KIRREL3: variants seen among roughly 807,000 people sequenced by gnomAD.
KIRREL3 encodes the protein kirre like nephrin family adhesion molecule 3, also known as kin of IRRE-like protein 3.
KIRREL3 carries 36 observed loss-of-function variants against 89.7 expected under a neutral mutation model. The observed-to-expected ratio is 0.40, with a 90% CI of 0.31 to 0.53. The LOEUF is 0.53. KIRREL3 is among the 20% of genes least tolerant of loss of function. KIRREL3 has a pLI of 0.49. For missense variants in KIRREL3, 864 were observed against 1,056.6 expected (o/e 0.82, Z 2.53); for synonymous variants, 445 against 441.4 (o/e 1.01, Z -0.10).
chr11:126,587,117 T>C lies in KIRREL3; in HGVS notation c.56-24205A>G, dbSNP rs1369170677. Among the ~76,000 whole-genome samples, 1 of 151,362 alleles carries C rather than the reference T, an allele frequency of 6.6e-6. No individual in the cohort carries two copies. The highest frequency in any genetic ancestry group is 1.5e-5 in the Non-Finnish European group (1 of 67,878). On this transcript the variant is annotated intron_variant, in intron 1 of 16. Coordinates refer to ENST00000525144, the MANE Select transcript of KIRREL3 (RefSeq NM_032531.4). The surrounding 1 kb of genome is among the most constrained non-coding windows in gnomAD (Gnocchi z 5.2). Reference sequence around the variant, plus strand: ...TGTGATGGATGCTCCAGTGGAAGAGTCCAGAGCACCGGGATGATGTGTAGG... The same window carrying C: ...TGTGATGGATGCTCCAGTGGAAGAGCCCAGAGCACCGGGATGATGTGTAGG...
At chr11:126,450,491 GTGTGTGCA>G (rs140084990) in intron 7 of KIRREL3, among the ~76,000 whole-genome samples, 25,084 of 145,798 alleles carry the variant, frequency 0.17, 2,399 homozygotes, top group Non-Finnish European at 0.22. Context: ...GTGGGTGTGA[GTGTGTGCA>G]TGTGTGCATG....
At chr11:126,534,457 T>C (rs2134467629) in intron 2 of KIRREL3, among the ~76,000 whole-genome samples, 1 of 152,312 alleles carries the variant, frequency 6.6e-6, no homozygotes, top group South Asian at 2.1e-4. Context: ...CAGAAGCACC[T>C]TCCTGCTCGC....
chr11:126,846,232 C>T (rs188427658), intron 1 of KIRREL3, among the ~76,000 whole-genome samples: 115 of 152,216 alleles, frequency 7.6e-4, no homozygotes, highest in Admixed American at 2.2e-3. Flanking sequence ...GTATTGCCTT[C>T]CAGTTGTGCC....
rs527363720 is a variant in KIRREL3 at position 126,531,397 on chromosome 11, C to A, written c.134-4710G>T. 6.6e-6 allele frequency among the ~76,000 whole-genome samples: 1 copy of A among 152,226 alleles called. No homozygotes were observed. The highest frequency in any genetic ancestry group is 2.4e-5 in the African/African-American group (1 of 41,444). ...ACCTCTCATGGCTCTCCACTCTCTGCGGGACAACGCCCAACTTCCCATGCT... is the reference window on the plus strand; with the variant it reads ...ACCTCTCATGGCTCTCCACTCTCTGAGGGACAACGCCCAACTTCCCATGCT... On this transcript the variant is annotated intron_variant, in intron 2 of 16. Coordinates refer to ENST00000525144, the MANE Select transcript of KIRREL3 (RefSeq NM_032531.4). The surrounding 1 kb of genome is among the most constrained non-coding windows in gnomAD (Gnocchi z 4.7).
chr11:126,690,029 A>G (rs1382612850), intron 1 of KIRREL3, among the ~76,000 whole-genome samples: 1 of 152,052 alleles, frequency 6.6e-6, no homozygotes, highest in Admixed American at 6.5e-5. Context: ...AGTATCTCCT[A>G]AGTCACTGGA....
intron 2 of KIRREL3, among the ~76,000 whole-genome samples, chr11:126,533,711 C>T (rs1206916113): frequency 1.3e-5 from 2 of 152,224 alleles, no homozygotes; most frequent in African/African-American, 4.8e-5. Flanking sequence ...ATGAATGGGG[C>T]TCAGGAATCA....
rs1441306370 is a variant in KIRREL3, at chr11:126,909,387, A to G, written c.55+91068T>C. 6.6e-6 allele frequency among the ~76,000 whole-genome samples: 1 copy of G among 152,186 alleles called. No individual in the cohort carries two copies. The highest frequency in any genetic ancestry group is 1.5e-5 in the Non-Finnish European group (1 of 68,020). On this transcript the variant is annotated intron_variant, in intron 1 of 16. Coordinates refer to ENST00000525144, the MANE Select transcript of KIRREL3 (RefSeq NM_032531.4). The surrounding 1 kb of genome is among the most constrained non-coding windows in gnomAD (Gnocchi z 4.5). ...AAGGACGCATTGCACTCATCCTTGC[A>G]TATCTGTAGCTCCACCTCAGGCACG...
chr11:126,432,882 C>T lies in KIRREL3; in HGVS notation c.1589-1356G>A, dbSNP rs1156827745. On this transcript the variant is annotated intron_variant, in intron 13 of 16. Coordinates refer to ENST00000525144, the MANE Select transcript of KIRREL3 (RefSeq NM_032531.4). The surrounding 1 kb of genome is among the most constrained non-coding windows in gnomAD (Gnocchi z 6.2). ...CCAGGAAGGGGTCACCAGCAGTTCA[C>T]GGTCTTTTATTTTTGGGATGGAGTC... 6.6e-6 allele frequency among the ~76,000 whole-genome samples: 1 copy of T among 152,072 alleles called. No homozygotes were observed. Among genetic ancestry groups the T allele is most frequent in the East Asian group, 1.9e-4 (1 of 5,182 alleles).
rs1449997516 is a variant in KIRREL3 at position 126,783,548 on chromosome 11, C to T, written c.55+216907G>A. 6.6e-6 allele frequency among the ~76,000 whole-genome samples: 1 copy of T among 152,118 alleles called. No individual in the cohort carries two copies. The highest frequency in any genetic ancestry group is 2.4e-5 in the African/African-American group (1 of 41,410). On this transcript the variant is annotated intron_variant, in intron 1 of 16. Coordinates refer to ENST00000525144, the MANE Select transcript of KIRREL3 (RefSeq NM_032531.4). The surrounding 1 kb of genome is among the most constrained non-coding windows in gnomAD (Gnocchi z 4.3). ...GGGTCTGTCAAAGGGACACAGAAGCCAACTGAAAGAGCTCCCATTGACCAA... is the reference window on the plus strand; with the variant it reads ...GGGTCTGTCAAAGGGACACAGAAGCTAACTGAAAGAGCTCCCATTGACCAA...
chr11:126,672,957 A>G (rs1946024206), intron 1 of KIRREL3, among the ~76,000 whole-genome samples: 1 of 152,188 alleles, frequency 6.6e-6, no homozygotes, highest in Admixed American at 6.5e-5. Flanking sequence ...CCCTTCATCA[A>G]ATTATAGAAA....
chr11:126,432,084 C>T lies in KIRREL3; in HGVS notation c.1589-558G>A, dbSNP rs1955154792. Among the ~76,000 whole-genome samples, 2 of 152,256 alleles carry T rather than the reference C, an allele frequency of 1.3e-5. No individual in the cohort carries two copies. The highest frequency in any genetic ancestry group is 1.9e-4 in the East Asian group (1 of 5,182). On this transcript the variant is annotated intron_variant, in intron 13 of 16. Coordinates refer to ENST00000525144, the MANE Select transcript of KIRREL3 (RefSeq NM_032531.4). This position sits in a 1 kb window ranked among gnomAD's most constrained non-coding sequence, Gnocchi z 6.2. ...CAGGTCTGCTGGGCATCAGTTGTGG[C>T]CCTCAGGTGTCCAAGTCTCAGGGTC...
At position 126,431,579 on chromosome 11, in the gene KIRREL3, C is replaced by T. The variant is rs1955131831; in HGVS notation, c.1589-53G>A. On this transcript the variant is annotated intron_variant, in intron 13 of 16. Transcript: ENST00000525144. The surrounding 1 kb of genome is among the most constrained non-coding windows in gnomAD (Gnocchi z 7.1). ...TGACGGATGGGGAATGGCCTACTAT[C>T]CCCCCATGATCTCACCCCGTTCCTG... The T allele has an allele frequency of 3.2e-6, 5 of 1,543,546 alleles. No homozygotes were observed. Among genetic ancestry groups the T allele is most frequent in the Non-Finnish European group, 4.4e-6 (5 of 1,125,198 alleles).
chr11:126,712,017 C>T (rs1485386982), intron 1 of KIRREL3, among the ~76,000 whole-genome samples: 1 of 152,236 alleles, frequency 6.6e-6, no homozygotes, highest in African/African-American at 2.4e-5. Flanking sequence ...TGTTTCTCAG[C>T]AAGGTGGTCC....
In KIRREL3 at chr11:126,623,449, G is replaced by A. The variant is rs1439695973; in HGVS notation, c.56-60537C>T. ...CACTGTAAGTCCAAGTTCTTTGAAG[G>A]AAGGAACTATGTTGGTATTCTGTGA... On this transcript the variant is annotated intron_variant, in intron 1 of 16. Coordinates refer to ENST00000525144, the MANE Select transcript of KIRREL3 (RefSeq NM_032531.4). The surrounding 1 kb of genome is among the most constrained non-coding windows in gnomAD (Gnocchi z 4.1). 1.3e-5 allele frequency among the ~76,000 whole-genome samples: 2 copies of A among 152,164 alleles called. No homozygotes were observed. The highest frequency in any genetic ancestry group is 2.4e-5 in the African/African-American group (1 of 41,440).
intron 4 of KIRREL3, among the ~76,000 whole-genome samples, chr11:126,506,162 G>A (rs1348555472): frequency 6.6e-6 from 1 of 152,174 alleles, no homozygotes; most frequent in Non-Finnish European, 1.5e-5. Flanking sequence ...ACTTATGGGA[G>A]AAAATACAGT....
intron 1 of KIRREL3, among the ~76,000 whole-genome samples, chr11:126,746,536 A>G (rs1283426907): frequency 6.6e-6 from 1 of 151,940 alleles, no homozygotes; most frequent in Non-Finnish European, 1.5e-5. Flanking sequence ...GATACATCAG[A>G]CTCACAATTT....
rs1037156186 is a variant in KIRREL3, at chr11:126,705,141, C to A, written c.56-142229G>T. Among the ~76,000 whole-genome samples the A allele has an allele frequency of 6.6e-6, 1 of 152,136 alleles. No individual in the cohort carries two copies. The highest frequency in any genetic ancestry group is 2.4e-5 in the African/African-American group (1 of 41,436). ...TACACATTTATAGTAAGAATACAAACAGTACAAAGATGTCAGTCCTTTTCT... is the reference window on the plus strand; with the variant it reads ...TACACATTTATAGTAAGAATACAAAAAGTACAAAGATGTCAGTCCTTTTCT... On this transcript the variant is annotated intron_variant, in intron 1 of 16. Coordinates refer to ENST00000525144, the MANE Select transcript of KIRREL3 (RefSeq NM_032531.4). This position sits in a 1 kb window ranked among gnomAD's most constrained non-coding sequence, Gnocchi z 4.3.
rs1949895393 is a variant in KIRREL3 at position 126,768,158 on chromosome 11, A to G, written c.56-205246T>C. ...TATCCATCCATCCATCCATCCATCC[A>G]TCCATCCATCCAATCCATCCATCCA... On this transcript the variant is annotated intron_variant, in intron 1 of 16. Transcript: ENST00000525144. The surrounding 1 kb of genome is among the most constrained non-coding windows in gnomAD (Gnocchi z 4.5). 7.6e-6 allele frequency among the ~76,000 whole-genome samples: 1 copy of G among 130,824 alleles called. No homozygotes were observed. The highest frequency in any genetic ancestry group is 3.2e-5 in the African/African-American group (1 of 31,580). The allele number at this position is 130,824 out of a possible 152,430, so 85.8% of individuals were successfully genotyped here.
chr11:126,673,694 G>A (rs1351679698), intron 1 of KIRREL3, among the ~76,000 whole-genome samples: 3 of 152,218 alleles, frequency 2.0e-5, no homozygotes, highest in Non-Finnish European at 2.9e-5. Flanking sequence ...GCAGGACAGG[G>A]AGGAGTGTGG....
Sources: allele counts gnomAD v4.1 joint callset (sites outside exome capture counted in the v4.1 genomes callset), GRCh38; gene constraint gnomAD v4.1.1; non-coding constraint Gnocchi (gnomAD v3.1); transcripts MANE v1.5; gene names NCBI Gene and HGNC (gene_info 2026-07-23, HGNC 2026-07-21).